SYT9: variants seen among roughly 807,000 people sequenced by gnomAD.
The protein encoded by SYT9 is synaptotagmin 9.
In SYT9, 22 loss-of-function variants were observed where a neutral mutation model predicts 48.4. That is an observed-to-expected ratio of 0.45 (90% confidence interval 0.32 to 0.65). SYT9 has a LOEUF of 0.65. Among genes scored for constraint, SYT9 ranks in the 30% least tolerant of loss-of-function variants. The probability of loss-of-function intolerance (pLI) is 0.03; values close to 1 mark genes in which losing one functional copy is unlikely to be tolerated. For synonymous variants in SYT9, 265 were observed against 245.0 expected (o/e 1.08, Z -0.76); for missense variants, 577 against 622.0 (o/e 0.93, Z 0.77).
At chr11:7,350,563 T>C (rs1049343422) in intron 3 of SYT9, among the ~76,000 whole-genome samples, 1 of 152,234 alleles carries the variant, frequency 6.6e-6, no homozygotes, top group East Asian at 1.9e-4. Context: ...TTCTGCCTCA[T>C]AGATACACAC....
chr11:7,383,828 T>C (rs534940765), intron 3 of SYT9, among the ~76,000 whole-genome samples: 36 of 152,290 alleles, frequency 2.4e-4, no homozygotes, highest in African/African-American at 5.8e-4. Flanking sequence ...TCAGCTTCAG[T>C]CCCTTGCACT....
At chr11:7,363,385 A>C (rs1204112705) in intron 3 of SYT9, among the ~76,000 whole-genome samples, 1 of 152,216 alleles carries the variant, frequency 6.6e-6, no homozygotes, top group Non-Finnish European at 1.5e-5. Context: ...AAATGGCAAT[A>C]CTAGTACCGA....
chr11:7,390,029 C>T (rs1403350826), intron 3 of SYT9, among the ~76,000 whole-genome samples: 1 of 152,180 alleles, frequency 6.6e-6, no homozygotes, highest in East Asian at 1.9e-4. Context: ...TACATGTGCA[C>T]AACGTGCAGG....
intron 3 of SYT9, chr11:7,314,349 C>T: frequency 3.0e-6 from 1 of 337,960 alleles, no homozygotes; most frequent in Non-Finnish European, 5.8e-6. Context: ...TAGGTACTTA[C>T]CTGTCTTCTG....
chr11:7,298,137 A>C (rs530419369), intron 1 of SYT9, among the ~76,000 whole-genome samples: 73 of 152,170 alleles, frequency 4.8e-4, no homozygotes, highest in African/African-American at 1.7e-3. Flanking sequence ...GAAAATTTAA[A>C]TATTAGACCT....
At chr11:7,319,087 T>A (rs1403716521) in intron 3 of SYT9, among the ~76,000 whole-genome samples, 1 of 152,004 alleles carries the variant, frequency 6.6e-6, no homozygotes, top group Non-Finnish European at 1.5e-5. Context: ...AGAATGCCCC[T>A]AGTTTCTGAC....
intron 1 of SYT9, among the ~76,000 whole-genome samples, chr11:7,246,841 T>G (rs1393487880): frequency 6.6e-6 from 1 of 152,234 alleles, no homozygotes; most frequent in Non-Finnish European, 1.5e-5. Flanking sequence ...CTCACTCACA[T>G]GTGTGAGGTC....
chr11:7,320,744 C>A (rs1049469446), intron 3 of SYT9, among the ~76,000 whole-genome samples: 1 of 152,190 alleles, frequency 6.6e-6, no homozygotes, highest in Non-Finnish European at 1.5e-5. Flanking sequence ...AATCCTCATG[C>A]TTTCCTATGA....
intron 3 of SYT9, among the ~76,000 whole-genome samples, chr11:7,320,024 A>C (rs1014104201): frequency 6.6e-6 from 1 of 152,138 alleles, no homozygotes; most frequent in African/African-American, 2.4e-5. Flanking sequence ...TATATGGCTC[A>C]AAGCTTATTT....
intron 3 of SYT9, among the ~76,000 whole-genome samples, chr11:7,411,518 CT>C (rs975739900): frequency 6.6e-6 from 1 of 152,086 alleles, no homozygotes; most frequent in African/African-American, 2.4e-5. Context: ...ACTTAAGTGG[CT>C]TTTTTTCTTC....
In SYT9 at chr11:7,467,049, T is replaced by C. The variant is rs542556852; in HGVS notation, c.*249T>C. The C allele has an allele frequency of 2.5e-5, 13 of 525,238 alleles. No individual in the cohort carries two copies. In the South Asian group the frequency reaches 4.1e-4, roughly 17 times the overall value. 32.5% of individuals were successfully genotyped at this position (525,238 alleles called of 1,614,324 possible). ...ATGTCTCTCATGCCAAGAACCAAGA[T>C]CGGACTATGAACAAAAACAAATGAT... On this transcript the variant is annotated 3_prime_UTR_variant, in exon 7 of 7. Coordinates refer to ENST00000318881, the MANE Select transcript of SYT9 (RefSeq NM_175733.4).
chr11:7,426,664 G>A (rs1847463958), intron 6 of SYT9, among the ~76,000 whole-genome samples: 1 of 152,050 alleles, frequency 6.6e-6, no homozygotes, highest in Non-Finnish European at 1.5e-5. Flanking sequence ...ATCTAAACTT[G>A]GGGTTTCAAG....
chr11:7,351,934 G>GA (rs1430515118), intron 3 of SYT9, among the ~76,000 whole-genome samples: 4 of 151,920 alleles, frequency 2.6e-5, no homozygotes, highest in Admixed American at 6.6e-5. Context: ...TGTTTTCCAG[G>GA]AAAAAAAACT....
chr11:7,330,777 A>G (rs1453087498), intron 3 of SYT9, among the ~76,000 whole-genome samples: 2 of 152,058 alleles, frequency 1.3e-5, no homozygotes, highest in African/African-American at 4.8e-5. Context: ...GCTCACTGCA[A>G]CCTTTGCCTC....
intron 3 of SYT9, among the ~76,000 whole-genome samples, chr11:7,407,386 T>C (rs1171380935): frequency 5.4e-4 from 32 of 59,298 alleles, no homozygotes; most frequent in Middle Eastern, 6.2e-3. Context: ...TTTTTTTTTT[T>C]TTTTTGAGAC....
chr11:7,430,907 A>T (rs900130121), intron 6 of SYT9, among the ~76,000 whole-genome samples: 1 of 152,226 alleles, frequency 6.6e-6, no homozygotes, highest in African/African-American at 2.4e-5. Context: ...TAAATTGCCC[A>T]GTCCCAGGTA....
intron 3 of SYT9, among the ~76,000 whole-genome samples, chr11:7,347,798 C>A (rs2133998424): frequency 6.6e-6 from 1 of 152,244 alleles, no homozygotes; most frequent in East Asian, 1.9e-4. Flanking sequence ...GAGGACAGAG[C>A]GTGAAAGAGT....
At chr11:7,314,122 T>G (rs981385214) in intron 3 of SYT9, 181 bp downstream of exon 3, 1 of 738,370 alleles carries the variant, frequency 1.4e-6, no homozygotes, top group African/African-American at 1.8e-5. Flanking sequence ...GATTTTGAAG[T>G]TTCCAAGCAT....
intron 6 of SYT9, among the ~76,000 whole-genome samples, chr11:7,429,643 G>T (rs1847528844): frequency 6.6e-6 from 1 of 152,148 alleles, no homozygotes. Flanking sequence ...GCCCCAGTTG[G>T]TGTTCTTTGG....
Sources: gnomAD v4.1 joint callset for allele counts (sites outside exome capture counted in the v4.1 genomes callset) on GRCh38, gnomAD v4.1.1 for gene constraint, MANE v1.5 for transcripts, NCBI Gene and HGNC (gene_info 2026-07-23, HGNC 2026-07-21) for gene names.